KCNQ1: variants seen among roughly 807,000 people sequenced by gnomAD.
The protein encoded by KCNQ1 is potassium voltage-gated channel subfamily Q member 1.
In KCNQ1, 49 loss-of-function variants were observed where a neutral mutation model predicts 72.4. That is an observed-to-expected ratio of 0.68 (90% CI 0.54 to 0.86). KCNQ1 has a LOEUF of 0.86. KCNQ1 is among the 40% of genes least tolerant of loss of function. The pLI is 0.00. For synonymous variants in KCNQ1, 450 were observed against 412.6 expected (o/e 1.09, Z -1.10); for missense variants, 790 against 945.1 (o/e 0.84, Z 2.15).
intron 1 of KCNQ1, among the ~76,000 whole-genome samples, chr11:2,453,747 C>T (rs1040886219): frequency 1.3e-5 from 2 of 152,220 alleles, no homozygotes; most frequent in Non-Finnish European, 2.9e-5. Context: ...ACCCCCTCCC[C>T]AGAACCTACC....
chr11:2,506,411 T>C (rs1847106675), intron 1 of KCNQ1, among the ~76,000 whole-genome samples: 1 of 152,210 alleles, frequency 6.6e-6, no homozygotes, highest in Non-Finnish European at 1.5e-5. Flanking sequence ...AGCCACCCCA[T>C]ACTTTATGGT....
rs1846416103 is a variant in KCNQ1, at chr11:2,762,407, G to A, written c.1515-6437G>A. Reference sequence around the variant, plus strand: ...CCGGTGTGTGGTAAGGATCATGGTTGACATACTTTCACAGGTGCATCCACA... The same window carrying A: ...CCGGTGTGTGGTAAGGATCATGGTTAACATACTTTCACAGGTGCATCCACA... On this transcript the variant is annotated intron_variant, in intron 11 of 15. Transcript: ENST00000155840. The surrounding 1 kb of genome is among the most constrained non-coding windows in gnomAD (Gnocchi z 4.3). Among the ~76,000 whole-genome samples the A allele has an allele frequency of 6.6e-6, 1 of 152,194 alleles. No individual in the cohort carries two copies. The highest frequency in any genetic ancestry group is 1.9e-4 in the East Asian group (1 of 5,194).
Position 2,686,167 on chromosome 11 carries a change from A to G in KCNQ1, c.1514+24086A>G, listed in dbSNP as rs557745999. 5 of 398,830 alleles carry G rather than the reference A, an allele frequency of 1.3e-5. No individual in the cohort carries two copies. The South Asian group carries it at 6.4e-4, about 51-fold the overall frequency. The allele number at this position is 398,830 out of a possible 1,614,324, so 24.7% of individuals were successfully genotyped here. ...CTGGGGTTTGCTTCGCCTTTCTGAGAGCACAGCAATGCCTACTCATCCTGC... is the reference window on the plus strand; with the variant it reads ...CTGGGGTTTGCTTCGCCTTTCTGAGGGCACAGCAATGCCTACTCATCCTGC... On this transcript the variant is annotated intron_variant, in intron 11 of 15. Coordinates refer to ENST00000155840, the MANE Select transcript of KCNQ1 (RefSeq NM_000218.3).
intron 15 of KCNQ1, among the ~76,000 whole-genome samples, chr11:2,834,273 G>A (rs534017681): frequency 3.7e-4 from 57 of 152,232 alleles, no homozygotes; most frequent in African/African-American, 1.3e-3. Context: ...TGTGCCCCTC[G>A]AGCCATGTGT....
At position 2,746,943 on chromosome 11, in the gene KCNQ1, C is replaced by T. The variant is rs1169255880; in HGVS notation, c.1515-21901C>T. 6.6e-6 allele frequency among the ~76,000 whole-genome samples: 1 copy of T among 152,194 alleles called. No homozygotes were observed. Among genetic ancestry groups the T allele is most frequent in the Non-Finnish European group, 1.5e-5 (1 of 68,030 alleles). ...CTCTGCCTGGATCAAAGCCATGGCCCCCATTCCCCGGGGATAGGGAAGCTG... is the reference window on the plus strand; with the variant it reads ...CTCTGCCTGGATCAAAGCCATGGCCTCCATTCCCCGGGGATAGGGAAGCTG... On this transcript the variant is annotated intron_variant, in intron 11 of 15. Transcript: ENST00000155840. The surrounding 1 kb of genome is among the most constrained non-coding windows in gnomAD (Gnocchi z 5.9).
chr11:2,848,112 C>A lies in KCNQ1; in HGVS notation c.*109C>A. On this transcript the variant is annotated 3_prime_UTR_variant, in exon 16 of 16. Transcript: ENST00000155840. Reference sequence around the variant, plus strand: ...CTCCTAAAAGGCCCAGAGAGAAGAGCCCCACTCTCAGAGGCCCCAATACCC... The same window carrying A: ...CTCCTAAAAGGCCCAGAGAGAAGAGACCCACTCTCAGAGGCCCCAATACCC... 1 of 952,098 alleles carries A rather than the reference C, an allele frequency of 1.1e-6. No individual in the cohort carries two copies. The highest frequency in any genetic ancestry group is 1.6e-6 in the Non-Finnish European group (1 of 615,094). The allele number at this position is 952,098 out of a possible 1,614,324, so 59.0% of individuals were successfully genotyped here.
At chr11:2,454,784 A>G (rs1200133844) in intron 1 of KCNQ1, among the ~76,000 whole-genome samples, 1 of 152,238 alleles carries the variant, frequency 6.6e-6, no homozygotes, top group South Asian at 2.1e-4. Context: ...AATAAGAGCC[A>G]TCTATGACAA....
In KCNQ1 at chr11:2,588,721, A is replaced by G; in HGVS notation, c.1260A>G (p.Lys420=). The part of the protein sequence containing the change: ...PKPKKSVVVK[K]KKFKLDKDNG... Reference sequence around the variant, plus strand: ...TGTCTTGTTTTTTTTAGGTAAAGAAAAAAAAGTTCAAGCTGGACAAAGACA... The same window carrying G: ...TGTCTTGTTTTTTTTAGGTAAAGAAGAAAAAGTTCAAGCTGGACAAAGACA... Residue 420 remains lysine, a synonymous_variant, in exon 10 of 16, where the codon AAA becomes AAG. Transcript: ENST00000155840. The surrounding 1 kb of genome is among the most constrained non-coding windows in gnomAD (Gnocchi z 5.6). 3 of 1,613,614 alleles carry G rather than the reference A, an allele frequency of 1.9e-6. No individual in the cohort carries two copies. The highest frequency in any genetic ancestry group is 2.5e-6 in the Non-Finnish European group (3 of 1,179,950).
Position 2,676,720 on chromosome 11 carries a change from T to C in KCNQ1, c.1514+14639T>C, listed in dbSNP as rs1850301410. On this transcript the variant is annotated intron_variant, in intron 11 of 15. Transcript: ENST00000155840. This position sits in a 1 kb window ranked among gnomAD's most constrained non-coding sequence, Gnocchi z 4.2. ...AGCCTGGCAGGAGATAACCAAGTCA[T>C]ATGCATAGTGGCTTTGGGTACGATG... 5.0e-6 allele frequency: 2 copies of C among 398,662 alleles called. No homozygotes were observed. Among genetic ancestry groups the C allele is most frequent in the Admixed American group, 4.4e-5 (1 of 22,734 alleles). The allele number at this position is 398,662 out of a possible 1,614,324, so 24.7% of individuals were successfully genotyped here.
intron 1 of KCNQ1, among the ~76,000 whole-genome samples, chr11:2,480,393 A>T (rs2133610860): frequency 6.6e-6 from 1 of 152,372 alleles, no homozygotes; most frequent in Admixed American, 6.5e-5. Context: ...TCATGGCGGA[A>T]GATGAAGAAA....
chr11:2,665,004 G>T (rs1335325839), intron 11 of KCNQ1: 2 of 398,572 alleles, frequency 5.0e-6, no homozygotes, highest in South Asian at 1.3e-4. Flanking sequence ...TCTTTCCGGG[G>T]CCTGTTAGCC....
chr11:2,644,981 G>A (rs902380386), intron 10 of KCNQ1: 11 of 398,548 alleles, frequency 2.8e-5, no homozygotes, highest in Non-Finnish European at 1.8e-5. Context: ...CAATGGTAGT[G>A]TATGCTGGTA....
rs1845928710 is a variant in KCNQ1 at position 2,734,871 on chromosome 11, C to T, written c.1515-33973C>T. On this transcript the variant is annotated intron_variant, in intron 11 of 15. Transcript: ENST00000155840. This position sits in a 1 kb window ranked among gnomAD's most constrained non-coding sequence, Gnocchi z 7.0. ...CTGTGCTGGGGCCTGGCTGTGGCTT[C>T]CCAGGCCCCGGCTGGGACCACCGCA... 6.6e-6 allele frequency among the ~76,000 whole-genome samples: 1 copy of T among 151,888 alleles called. No individual in the cohort carries two copies. The highest frequency in any genetic ancestry group is 2.4e-5 in the African/African-American group (1 of 41,364).
rs1217640514 is a variant in KCNQ1 at position 2,647,207 on chromosome 11, C to T, written c.1394-14754C>T. The T allele has an allele frequency of 2.5e-6, 1 of 398,248 alleles. No homozygotes were observed. The highest frequency in any genetic ancestry group is 4.4e-6 in the Non-Finnish European group (1 of 225,976). 24.7% of individuals were successfully genotyped at this position (398,248 alleles called of 1,614,324 possible). A position where few individuals can be genotyped will look rare whatever the true frequency, so the allele number is the denominator to read the frequency against. ...AAGAGATTTTGAATTTTATCAGATGCTTTTTCTGCATCTATTGAGATGATC... is the reference window on the plus strand; with the variant it reads ...AAGAGATTTTGAATTTTATCAGATGTTTTTTCTGCATCTATTGAGATGATC... On this transcript the variant is annotated intron_variant, in intron 10 of 15. Coordinates refer to ENST00000155840, the MANE Select transcript of KCNQ1 (RefSeq NM_000218.3). The surrounding 1 kb of genome is among the most constrained non-coding windows in gnomAD (Gnocchi z 4.0).
At position 2,623,808 on chromosome 11, in the gene KCNQ1, A is replaced by C. The variant is rs553977027; in HGVS notation, c.1393+34954A>C. 10 of 398,484 alleles carry C rather than the reference A, an allele frequency of 2.5e-5. No homozygotes were observed. Among genetic ancestry groups the C allele is most frequent in the Non-Finnish European group, 4.0e-5 (9 of 226,056 alleles). 24.7% of individuals were successfully genotyped at this position (398,484 alleles called of 1,614,324 possible). ...ACCAAGGATGTGATTGCTGAACTGC[A>C]TGGTAAGAATATGTTTAATTTTATA... On this transcript the variant is annotated intron_variant, in intron 10 of 15. Transcript: ENST00000155840. This position sits in a 1 kb window ranked among gnomAD's most constrained non-coding sequence, Gnocchi z 5.2.
chr11:2,675,789 C>T, intron 11 of KCNQ1: 1 of 398,722 alleles, frequency 2.5e-6, no homozygotes, highest in East Asian at 3.6e-5. Flanking sequence ...CTGCTGCCCG[C>T]AGGGCATACC....
At position 2,745,480 on chromosome 11, in the gene KCNQ1, C is replaced by G. The variant is rs1277977593; in HGVS notation, c.1515-23364C>G. ...GGGGGTTGATCTCACACCTGACAAC[C>G]ATGTCATACTTTCTATCAGCTCTAT... On this transcript the variant is annotated intron_variant, in intron 11 of 15. Transcript: ENST00000155840. The surrounding 1 kb of genome is among the most constrained non-coding windows in gnomAD (Gnocchi z 6.2). Among the ~76,000 whole-genome samples, 2 of 152,144 alleles carry G rather than the reference C, an allele frequency of 1.3e-5. No homozygotes were observed. The highest frequency in any genetic ancestry group is 2.9e-5 in the Non-Finnish European group (2 of 68,046).
At chr11:2,681,416 T>C (rs1590028543) in intron 11 of KCNQ1, 1 of 398,378 alleles carries the variant, frequency 2.5e-6, no homozygotes, top group South Asian at 1.3e-4. Context: ...AGAATGGGGA[T>C]CCCTGTGACA....
rs1848268218 is a variant in KCNQ1, at chr11:2,567,797, C to T, written c.478-2831C>T. 6.6e-6 allele frequency among the ~76,000 whole-genome samples: 1 copy of T among 152,196 alleles called. No individual in the cohort carries two copies. Among genetic ancestry groups the T allele is most frequent in the African/African-American group, 2.4e-5 (1 of 41,446 alleles). ...GCAGGAGTCCTGCCATCTTCGAAGG[C>T]CAGCCCCTAAACAGGTTCCCTGAGT... On this transcript the variant is annotated intron_variant, in intron 2 of 15. Transcript: ENST00000155840. This position sits in a 1 kb window ranked among gnomAD's most constrained non-coding sequence, Gnocchi z 6.6.
Sources: gnomAD v4.1 joint callset for allele counts (sites outside exome capture counted in the v4.1 genomes callset) on GRCh38, gnomAD v4.1.1 for gene constraint, Gnocchi (gnomAD v3.1) non-coding constraint, MANE v1.5 for transcripts, NCBI Gene and HGNC (gene_info 2026-07-23, HGNC 2026-07-21) for gene names.